SMC6: variants seen among roughly 807,000 people sequenced by gnomAD.
The protein encoded by SMC6 is structural maintenance of chromosomes protein 6.
Under a neutral mutation model 142.2 loss-of-function variants are expected in SMC6, and 79 were observed. The observed-to-expected ratio is 0.56, with a 90% CI of 0.46 to 0.67. The LOEUF (loss-of-function observed/expected upper bound fraction) is 0.67, where lower values mean the gene tolerates loss of function less well. SMC6 is among the 30% of genes least tolerant of loss of function. SMC6 has a pLI of 0.00. For synonymous variants in SMC6, 411 were observed against 412.4 expected (o/e 1.00, Z 0.04); for missense variants, 1,072 against 1,284.0 (o/e 0.83, Z 2.52).
intron 12 of SMC6, among the ~76,000 whole-genome samples, chr2:17,717,841 C>G (rs1402109728): frequency 1.3e-5 from 2 of 151,878 alleles, no homozygotes; most frequent in Non-Finnish European, 2.9e-5. Flanking sequence ...AAAATTTAGC[C>G]AGCTGTGGTG....
chr2:17,684,135 T>G (rs1161535959), intron 23 of SMC6, among the ~76,000 whole-genome samples: 1 of 151,596 alleles, frequency 6.6e-6, no homozygotes, highest in Admixed American at 6.6e-5. Flanking sequence ...CAGATGCCAA[T>G]AAAAGAAAAA....
intron 15 of SMC6, 57 bp from the exon 16 acceptor site, chr2:17,715,122 C>T: frequency 2.7e-6 from 4 of 1,497,250 alleles, no homozygotes; most frequent in Non-Finnish European, 3.7e-6. Context: ...GAAATATTAA[C>T]ATCCTCCTCT....
chr2:17,696,399 C>T lies in SMC6; in HGVS notation c.2422G>A (p.Val808Met). The T allele has an allele frequency of 6.2e-7, 1 of 1,610,018 alleles. No individual in the cohort carries two copies. Residue 808 changes from valine to methionine, a missense_variant, in exon 22 of 28, where the codon GTG (valine) becomes ATG (methionine). Physicochemically the swap from Val to Met is conservative, Grantham distance 21 (BLOSUM62 1). This residue lies in a region of SMC6 where 994 missense variants were observed against 1,153.2 expected (regional missense o/e 0.86). Coordinates refer to ENST00000448223, the MANE Select transcript of SMC6 (RefSeq NM_001142286.2). ...KDELNLADSE[V>M]DNQKRGKRHY... ...CGTTTCCCTCGTTTTTGGTTATCCA[C>T]TTCAGAATCAGCAAGGTTTAATTCA...
chr2:17,729,920 C>T (rs1470710558), intron 7 of SMC6, among the ~76,000 whole-genome samples: 1 of 152,172 alleles, frequency 6.6e-6, no homozygotes, highest in African/African-American at 2.4e-5. Flanking sequence ...ACACTTCCAC[C>T]ATCACAGAAA....
intron 17 of SMC6, 21 bp from the exon 18 acceptor site, chr2:17,707,400 A>T: frequency 2.8e-6 from 4 of 1,411,972 alleles, no homozygotes; most frequent in Non-Finnish European, 3.7e-6. Flanking sequence ...AGAAGAAAAT[A>T]AATTTTTTAA....
intron 21 of SMC6, 27 bp from the exon 22 acceptor site, chr2:17,696,453 A>G (rs1170096664): frequency 3.8e-6 from 6 of 1,590,580 alleles, no homozygotes; most frequent in Non-Finnish European, 5.1e-6. Context: ...AGAATAAAAG[A>G]TTGTTTTAAA....
intron 2 of SMC6, among the ~76,000 whole-genome samples, chr2:17,749,781 A>T (rs1670936973): frequency 6.6e-6 from 1 of 152,232 alleles, no homozygotes; most frequent in Admixed American, 6.5e-5. Flanking sequence ...CAGAATTCTA[A>T]ATTTTATTAA....
rs61348893 is a variant in SMC6, at chr2:17,701,033, A to AAATAAT, written c.2224-661_2224-656dup. On this transcript the variant is annotated intron_variant, in intron 20 of 27. Transcript: ENST00000448223. ...GCAACAAGAGTGATACTCCGTCTCA[A>AAATAAT]AATAATAATAATAATAATAATAATA... Among the ~76,000 whole-genome samples, 187 of 144,324 alleles carry AAATAAT rather than the reference A, an allele frequency of 1.3e-3. 1 individual carries two copies. Among genetic ancestry groups the AAATAAT allele is most frequent in the African/African-American group, 4.0e-3 (158 of 39,752 alleles). 94.7% of individuals were successfully genotyped at this position (144,324 alleles called of 152,430 possible). A position where few individuals can be genotyped will look rare whatever the true frequency, so the allele number is the denominator to read the frequency against.
chr2:17,708,242 G>A (rs969557004), intron 17 of SMC6, among the ~76,000 whole-genome samples: 2 of 151,772 alleles, frequency 1.3e-5, no homozygotes, highest in African/African-American at 2.4e-5. Flanking sequence ...ATCTAACAGA[G>A]TACAAAGTTA....
chr2:17,695,005 A>G lies in SMC6; in HGVS notation c.2678+147T>C. On this transcript the variant is annotated intron_variant, in intron 23 of 27. Transcript: ENST00000448223. The stretch of plus-strand genomic sequence containing the variant: ...AAAAAGGTTACTATTTATTGAGAAT[A>G]ATACACATATAAAGGACTACTTCAG... 3 of 799,610 alleles carry G rather than the reference A, an allele frequency of 3.8e-6. No individual in the cohort carries two copies. In the East Asian group the frequency reaches 7.6e-5, roughly 20 times the overall value. The allele number at this position is 799,610 out of a possible 1,614,324, so 49.5% of individuals were successfully genotyped here.
intron 2 of SMC6, among the ~76,000 whole-genome samples, chr2:17,747,765 A>G (rs1182244438): frequency 6.6e-6 from 1 of 152,124 alleles, no homozygotes; most frequent in Non-Finnish European, 1.5e-5. Context: ...CGGCCTCCCA[A>G]AGTGCTGGGA....
In SMC6 at chr2:17,667,175, G is replaced by A. The variant is rs1259761647; in HGVS notation, c.3064-658C>T. Reference sequence around the variant, plus strand: ...TCTAATTTGTACAGTAATGGTTAATGAGTCAGGGTAATGGTAACAAAAGTG... The same window carrying A: ...TCTAATTTGTACAGTAATGGTTAATAAGTCAGGGTAATGGTAACAAAAGTG... On this transcript the variant is annotated intron_variant, in intron 26 of 27. Coordinates refer to ENST00000448223, the MANE Select transcript of SMC6 (RefSeq NM_001142286.2). 3.9e-5 allele frequency among the ~76,000 whole-genome samples: 6 copies of A among 152,290 alleles called. No homozygotes were observed. The East Asian group carries it at 1.2e-3, about 29-fold the overall frequency.
At position 17,696,292 on chromosome 2, in the gene SMC6, T is replaced by C. The variant is rs1481962632; in HGVS notation, c.2529A>G (p.Leu843=). The change falls in exon 22 of 28, where the codon CTA becomes CTG. Residue 843 remains leucine, a synonymous_variant. Transcript: ENST00000448223. ...CTTGAAAAAAATGGTGAAAAACCTC[T>C]AGTTCTTTCTCTTTCATATCCAGTT... ...KRELDMKEKE[L]EEKMSQARQI... 6.3e-6 allele frequency: 10 copies of C among 1,586,748 alleles called. No individual in the cohort carries two copies. The highest frequency in any genetic ancestry group is 8.5e-6 in the Non-Finnish European group (10 of 1,173,700).
chr2:17,735,290 A>C (rs1670097877), intron 5 of SMC6, among the ~76,000 whole-genome samples: 1 of 152,142 alleles, frequency 6.6e-6, no homozygotes, highest in Admixed American at 6.6e-5. Context: ...TCAGAATGAC[A>C]ACACAAACAA....
At position 17,738,210 on chromosome 2, in the gene SMC6, C is replaced by G; in HGVS notation, c.344+11G>C. 3.8e-6 allele frequency: 6 copies of G among 1,578,780 alleles called. No homozygotes were observed. The highest frequency in any genetic ancestry group is 5.2e-6 in the Non-Finnish European group (6 of 1,152,106). ...AGAATTGAAAATAGATGGTAGAAAGCAAACACTTACTTCTGTCCATCTTTC... is the reference window on the plus strand; with the variant it reads ...AGAATTGAAAATAGATGGTAGAAAGGAAACACTTACTTCTGTCCATCTTTC... On this transcript the variant is annotated intron_variant, in intron 5 of 27. Transcript: ENST00000448223.
chr2:17,749,512 AC>A (rs1670916616), intron 2 of SMC6, among the ~76,000 whole-genome samples: 1 of 152,060 alleles, frequency 6.6e-6, no homozygotes, highest in African/African-American at 2.4e-5. Flanking sequence ...ATATGGTGAA[AC>A]CCCGTCTCTA....
At chr2:17,670,199 G>A (rs985674698) in intron 26 of SMC6, among the ~76,000 whole-genome samples, 2 of 152,190 alleles carry the variant, frequency 1.3e-5, no homozygotes, top group African/African-American at 4.8e-5. Flanking sequence ...CATGCTGGGC[G>A]AGAAGAGGAG....
At chr2:17,734,749 T>G (rs982781456) in intron 5 of SMC6, among the ~76,000 whole-genome samples, 11 of 147,546 alleles carry the variant, frequency 7.5e-5, no homozygotes, top group African/African-American at 2.7e-4. Flanking sequence ...TTTTTCTTTT[T>G]GAGACAGAGT....
intron 11 of SMC6, among the ~76,000 whole-genome samples, chr2:17,719,375 T>A (rs1669258365): frequency 6.6e-6 from 1 of 152,132 alleles, no homozygotes; most frequent in Non-Finnish European, 1.5e-5. Context: ...ACACACAATG[T>A]GAAAGGCTTT....
Sources: allele counts gnomAD v4.1 joint callset (sites outside exome capture counted in the v4.1 genomes callset), GRCh38; gene constraint gnomAD v4.1.1; regional missense constraint gnomAD v4.1.1; transcripts MANE v1.5; gene names NCBI Gene and HGNC (gene_info 2026-07-23, HGNC 2026-07-21).